Variants in PRKG1 observed in about 807,000 individuals in gnomAD.
PRKG1 encodes the protein cGMP-dependent protein kinase 1.
Under a neutral mutation model 88.1 loss-of-function variants are expected in PRKG1, and 35 were observed. The observed-to-expected ratio is 0.40, with a 90% confidence interval of 0.30 to 0.53. The LOEUF is 0.53. Ranked by LOEUF, PRKG1 falls within the 20% of genes least tolerant of loss-of-function variation. The pLI is 0.59. For missense variants in PRKG1, 540 were observed against 839.8 expected, an observed-to-expected ratio of 0.64 and a Z score of 4.41; for synonymous variants, 303 against 292.5, an observed-to-expected ratio of 1.04 and a Z score of -0.37.
At chr10:52,004,094 C>T (rs1349224617) in intron 5 of PRKG1, among the ~76,000 whole-genome samples, 1 of 152,124 alleles carries the variant, frequency 6.6e-6, no homozygotes, top group African/African-American at 2.4e-5. Flanking sequence ...TTAATTATCT[C>T]TACTTTTGTC....
rs759490518 is a variant in PRKG1 at position 51,698,228 on chromosome 10, C to G, written c.593-106357C>G. ...TTCCATCCCTCTGGTTTCCATCGCA[C>G]AGGTCTCCATTCCTCTCCTCTCCAT... On this transcript the variant is annotated intron_variant, in intron 3 of 17. Transcript: ENST00000373980. 9.4e-5 allele frequency: 151 copies of G among 1,614,194 alleles called. 1 individual carries two copies. In the East Asian group the frequency reaches 1.2e-3, roughly 13 times the overall value.
At chr10:51,336,470 G>A (rs1841879496) in intron 2 of PRKG1, among the ~76,000 whole-genome samples, 1 of 152,090 alleles carries the variant, frequency 6.6e-6, no homozygotes, top group African/African-American at 2.4e-5. Context: ...TAGGACAGAG[G>A]AAACTCAATA....
chr10:51,883,324 G>T (rs759626661), intron 4 of PRKG1, among the ~76,000 whole-genome samples: 3 of 152,174 alleles, frequency 2.0e-5, no homozygotes, highest in African/African-American at 7.2e-5. Context: ...TGTATGAGCT[G>T]CATAGTATAA....
chr10:50,999,377 C>T (rs1453832450), intron 1 of PRKG1, among the ~76,000 whole-genome samples: 1 of 152,196 alleles, frequency 6.6e-6, no homozygotes, highest in African/African-American at 2.4e-5. Context: ...AAGATGACTA[C>T]TGTAATCAGC....
chr10:52,083,810 T>G (rs934277020), intron 7 of PRKG1, among the ~76,000 whole-genome samples: 12 of 152,020 alleles, frequency 7.9e-5, no homozygotes, highest in African/African-American at 2.9e-4. Flanking sequence ...AACCTGAGTG[T>G]AAAGAATATG....
chr10:51,716,849 C>G (rs987053378), intron 3 of PRKG1, among the ~76,000 whole-genome samples: 1 of 152,086 alleles, frequency 6.6e-6, no homozygotes, highest in African/African-American at 2.4e-5. Flanking sequence ...CAGGCCACCA[C>G]GCCCGCCTGG....
intron 4 of PRKG1, among the ~76,000 whole-genome samples, chr10:51,806,657 A>G (rs1412069027): frequency 2.6e-5 from 4 of 152,112 alleles, no homozygotes; most frequent in Non-Finnish European, 5.9e-5. Context: ...GGCCAGCTTT[A>G]ATCTTCCTAA....
chr10:51,450,806 A>G (rs1301756040), intron 2 of PRKG1, among the ~76,000 whole-genome samples: 2 of 151,714 alleles, frequency 1.3e-5, no homozygotes, highest in Admixed American at 6.6e-5. Flanking sequence ...GAAGGCTGGA[A>G]CTTGAATGAG....
intron 7 of PRKG1, among the ~76,000 whole-genome samples, chr10:52,121,286 G>C (rs1847814635): frequency 6.6e-6 from 1 of 152,144 alleles, no homozygotes; most frequent in Admixed American, 6.5e-5. Context: ...ATGCCTAGAT[G>C]ATCTTTGTCC....
intron 3 of PRKG1, among the ~76,000 whole-genome samples, chr10:51,595,011 G>A (rs1393255561): frequency 6.6e-6 from 1 of 152,150 alleles, no homozygotes; most frequent in East Asian, 1.9e-4. Flanking sequence ...CAGTGCTCCT[G>A]GATGTATGAT....
At chr10:51,132,810 C>T (rs1845602724) in intron 1 of PRKG1, among the ~76,000 whole-genome samples, 1 of 150,968 alleles carries the variant, frequency 6.6e-6, no homozygotes, top group Admixed American at 6.6e-5. Context: ...TCAAATGTCT[C>T]TTCACAAAAA....
chr10:51,569,177 C>A (rs187050253), intron 3 of PRKG1, among the ~76,000 whole-genome samples: 1 of 152,076 alleles, frequency 6.6e-6, no homozygotes, highest in East Asian at 1.9e-4. Flanking sequence ...AGGATATAAC[C>A]ACCTACCATG....
intron 2 of PRKG1, among the ~76,000 whole-genome samples, chr10:51,267,015 G>T (rs1561039): frequency 6.6e-6 from 1 of 152,036 alleles, no homozygotes. Flanking sequence ...TGGAAGGGGT[G>T]TTGAAGAATC....
intron 2 of PRKG1, among the ~76,000 whole-genome samples, chr10:51,263,633 T>C (rs533025160): frequency 6.6e-6 from 1 of 152,250 alleles, no homozygotes; most frequent in Non-Finnish European, 1.5e-5. Context: ...ACTTAATTGT[T>C]CTTATCCGAA....
At chr10:52,029,177 AG>A (rs1281959830) in intron 5 of PRKG1, among the ~76,000 whole-genome samples, 2 of 152,208 alleles carry the variant, frequency 1.3e-5, no homozygotes, top group African/African-American at 4.8e-5. Context: ...GAAATCAGAA[AG>A]CTTAGTGCAT....
chr10:51,437,892 C>T (rs537672672), intron 2 of PRKG1, among the ~76,000 whole-genome samples: 1 of 150,404 alleles, frequency 6.6e-6, no homozygotes, highest in East Asian at 2.0e-4. Context: ...CCATAATTTA[C>T]AAGACAAGAC....
chr10:51,950,460 C>T (rs7093940), intron 5 of PRKG1, among the ~76,000 whole-genome samples: 32,781 of 152,170 alleles, frequency 0.22, 3,731 homozygotes, highest in East Asian at 0.31. Context: ...CTTTCGGCCA[C>T]TTTGCCAGAC....
chr10:51,560,287 G>T (rs1315678871), intron 3 of PRKG1, among the ~76,000 whole-genome samples: 1 of 152,006 alleles, frequency 6.6e-6, no homozygotes, highest in African/African-American at 2.4e-5. Flanking sequence ...TTTATAAATG[G>T]AATGGAATGT....
chr10:51,895,059 C>A (rs1047907134), intron 4 of PRKG1, among the ~76,000 whole-genome samples: 1 of 152,118 alleles, frequency 6.6e-6, no homozygotes, highest in East Asian at 1.9e-4. Flanking sequence ...TCACAGATTT[C>A]TTTTTTGAAT....
Sources: gnomAD v4.1 joint callset for allele counts (sites outside exome capture counted in the v4.1 genomes callset) on GRCh38, gnomAD v4.1.1 for gene constraint, MANE v1.5 for transcripts, NCBI Gene and HGNC (gene_info 2026-07-23, HGNC 2026-07-21) for gene names.